The following STAC variants were observed in gnomAD, a reference collection of about 807,000 sequenced individuals.
The protein encoded by STAC is SH3 and cysteine rich domain.
In STAC, 43 loss-of-function variants were observed where a neutral mutation model predicts 48.8. The ratio of observed to expected loss-of-function variants is 0.88; its 90% CI spans 0.69 to 1.14. The LOEUF (loss-of-function observed/expected upper bound fraction) is 1.14, where lower values mean the gene tolerates loss of function less well. Among genes scored for constraint, STAC ranks in the 50% most tolerant of loss-of-function variants. The pLI, the probability that STAC is intolerant of heterozygous loss-of-function variation, is 0.00. For synonymous variants in STAC, 193 were observed against 179.5 expected (o/e 1.07, Z -0.60); for missense variants, 497 against 504.0 (o/e 0.99, Z 0.13).
intron 2 of STAC, among the ~76,000 whole-genome samples, chr3:36,473,358 T>C (rs1238179292): frequency 6.6e-6 from 1 of 152,198 alleles, no homozygotes; most frequent in Non-Finnish European, 1.5e-5. Context: ...GTGACATACC[T>C]GAGTTAGCTA....
intron 8 of STAC, among the ~76,000 whole-genome samples, chr3:36,516,494 CTTTAT>C (rs776096465): frequency 1.3e-5 from 2 of 152,012 alleles, no homozygotes; most frequent in South Asian, 2.1e-4. Context: ...AATAAACTTC[CTTTAT>C]TTTTTTTCAC....
At chr3:36,408,257 A>T (rs998415578) in intron 1 of STAC, among the ~76,000 whole-genome samples, 4 of 152,114 alleles carry the variant, frequency 2.6e-5, no homozygotes, top group Non-Finnish European at 5.9e-5. Flanking sequence ...AGGGGAGGGG[A>T]CTATGTACTC....
intron 2 of STAC, among the ~76,000 whole-genome samples, chr3:36,461,486 T>C (rs1217584016): frequency 6.6e-6 from 1 of 152,086 alleles, no homozygotes; most frequent in Non-Finnish European, 1.5e-5. Context: ...GATGGATGGA[T>C]GATGGATGAA....
intron 2 of STAC, among the ~76,000 whole-genome samples, chr3:36,452,488 C>T (rs1696711192): frequency 6.6e-6 from 1 of 152,156 alleles, no homozygotes; most frequent in African/African-American, 2.4e-5. Flanking sequence ...TCTCTGTGTT[C>T]TCTGGAGTGT....
chr3:36,403,613 G>GA (rs1382419671), intron 1 of STAC, among the ~76,000 whole-genome samples: 1 of 151,844 alleles, frequency 6.6e-6, no homozygotes, highest in Non-Finnish European at 1.5e-5. Context: ...AATGATATGT[G>GA]AAAAAATGAA....
chr3:36,382,119 C>T (rs954280412), intron 1 of STAC, among the ~76,000 whole-genome samples: 8 of 152,200 alleles, frequency 5.3e-5, no homozygotes, highest in Non-Finnish European at 1.2e-4. Context: ...AATCTGATAA[C>T]CCATACACAT....
chr3:36,517,392 G>C (rs1482525517), intron 8 of STAC, among the ~76,000 whole-genome samples: 2 of 152,330 alleles, frequency 1.3e-5, no homozygotes, highest in African/African-American at 2.4e-5. Context: ...GCTTATGCCT[G>C]TAATCCCAGC....
intron 6 of STAC, among the ~76,000 whole-genome samples, chr3:36,499,374 C>A (rs368120384): frequency 1.3e-5 from 2 of 151,916 alleles, no homozygotes; most frequent in African/African-American, 4.8e-5. Flanking sequence ...GCTTGGGAGG[C>A]GATTAAATAT....
intron 10 of STAC, among the ~76,000 whole-genome samples, chr3:36,534,754 TC>T (rs1434708096): frequency 6.6e-6 from 1 of 151,934 alleles, no homozygotes; most frequent in East Asian, 1.9e-4. Context: ...AGGGTCTCAC[TC>T]CCTAGGCTCA....
intron 4 of STAC, among the ~76,000 whole-genome samples, chr3:36,485,291 C>G (rs1366177023): frequency 1.3e-5 from 2 of 152,144 alleles, no homozygotes; most frequent in African/African-American, 4.8e-5. Context: ...ATCCCAAAGG[C>G]TACTGATTAG....
At chr3:36,478,649 G>A (rs1490319404) in intron 2 of STAC, among the ~76,000 whole-genome samples, 1 of 152,178 alleles carries the variant, frequency 6.6e-6, no homozygotes. Flanking sequence ...CACACGTAAC[G>A]ATGCCCGGCT....
At position 36,485,577 on chromosome 3, in the gene STAC, G is replaced by A. The variant is rs1390658129; in HGVS notation, c.571+519G>A. The stretch of plus-strand genomic sequence containing the variant: ...TGCCCTCTATTTATTGATAGCTTTG[G>A]CTTGGATTCTTCTCTAACAATATCT... On this transcript the variant is annotated intron_variant, in intron 4 of 10. Transcript: ENST00000273183. Among the ~76,000 whole-genome samples the A allele has an allele frequency of 3.3e-5, 5 of 152,116 alleles. No individual in the cohort carries two copies. In the East Asian group the frequency reaches 9.6e-4, roughly 29 times the overall value.
rs1281749778 is a variant in STAC, at chr3:36,380,846, G to A, written c.111+92G>A. 5.9e-6 allele frequency: 6 copies of A among 1,010,842 alleles called. No individual in the cohort carries two copies. In the Admixed American group the frequency reaches 1.2e-4, roughly 19 times the overall value. 62.6% of individuals were successfully genotyped at this position (1,010,842 alleles called of 1,614,324 possible). ...CTCTCCTCCTATCTAGCACGGGCGT[G>A]GGGGTCTGAGACTTGCTAGTTAGCC... is the stretch of plus-strand genomic sequence containing the variant. On this transcript the variant is annotated intron_variant, in intron 1 of 10. Transcript: ENST00000273183.
chr3:36,396,450 T>C (rs1039336290), intron 1 of STAC, among the ~76,000 whole-genome samples: 4 of 152,196 alleles, frequency 2.6e-5, no homozygotes, highest in Non-Finnish European at 5.9e-5. Context: ...TTATTACTAC[T>C]ATACAAAGTT....
At chr3:36,539,233 A>G (rs1575272628) in intron 10 of STAC, among the ~76,000 whole-genome samples, 2 of 152,002 alleles carry the variant, frequency 1.3e-5, no homozygotes, top group East Asian at 3.9e-4. Flanking sequence ...GTTCAGGGGT[A>G]CAGTGCAGGT....
chr3:36,408,844 A>G (rs1700136057), intron 1 of STAC, among the ~76,000 whole-genome samples: 2 of 152,192 alleles, frequency 1.3e-5, no homozygotes, highest in African/African-American at 2.4e-5. Flanking sequence ...GTATCAAACA[A>G]TATTGTTTAG....
intron 1 of STAC, among the ~76,000 whole-genome samples, chr3:36,426,631 C>T (rs1177011546): frequency 1.3e-5 from 2 of 152,112 alleles, no homozygotes; most frequent in African/African-American, 4.8e-5. Context: ...CAGAACCAGA[C>T]TAGAGGAAAG....
intron 8 of STAC, among the ~76,000 whole-genome samples, chr3:36,514,895 A>G (rs368765177): frequency 1.7e-3 from 251 of 151,992 alleles, no homozygotes; most frequent in African/African-American, 5.7e-3. Context: ...AAAATTAGCC[A>G]GGCATGGTGG....
At chr3:36,383,195 G>A (rs528199073) in intron 1 of STAC, among the ~76,000 whole-genome samples, 1 of 152,114 alleles carries the variant, frequency 6.6e-6, no homozygotes, top group Non-Finnish European at 1.5e-5. Flanking sequence ...ATAGTTGAGC[G>A]AGAACAATAG....
Sources: allele counts gnomAD v4.1 joint callset (sites outside exome capture counted in the v4.1 genomes callset), GRCh38; gene constraint gnomAD v4.1.1; transcripts MANE v1.5; gene names NCBI Gene and HGNC (gene_info 2026-07-23, HGNC 2026-07-21).